PAAF1: variants seen among roughly 807,000 people sequenced by gnomAD.
PAAF1 encodes proteasomal ATPase associated factor 1, also known as proteasomal ATPase-associated factor 1.
PAAF1 carries 46 observed loss-of-function variants against 52.8 expected under a neutral mutation model. The ratio of observed to expected loss-of-function variants is 0.87; its 90% CI spans 0.69 to 1.11. The LOEUF is 1.11. PAAF1 is among the 50% of genes most tolerant of loss of function. PAAF1 has a pLI of 0.00. For missense variants in PAAF1, 424 were observed against 477.4 expected, an observed-to-expected ratio of 0.89 and a Z score of 1.04; for synonymous variants, 178 against 172.8, an observed-to-expected ratio of 1.03 and a Z score of -0.24.
intron 2 of PAAF1, among the ~76,000 whole-genome samples, chr11:73,886,424 CCAGCA>C (rs896940665): frequency 2.6e-5 from 4 of 151,978 alleles, no homozygotes; most frequent in Admixed American, 6.6e-5. Flanking sequence ...GCCTGTAATC[CCAGCA>C]CTGTGGGAGG....
intron 4 of PAAF1, among the ~76,000 whole-genome samples, chr11:73,897,270 G>T (rs895103082): frequency 6.7e-6 from 1 of 149,684 alleles, no homozygotes; most frequent in Admixed American, 6.6e-5. Flanking sequence ...GGGGCGGCTG[G>T]CCGTGTGGGG....
intron 9 of PAAF1, among the ~76,000 whole-genome samples, chr11:73,917,098 G>A (rs949633331): frequency 6.6e-6 from 1 of 152,106 alleles, no homozygotes; most frequent in African/African-American, 2.4e-5. Context: ...TCGGCTTACT[G>A]CAACCTTTGC....
rs1565149542 is a variant in PAAF1, at chr11:73,916,542, CAGGTGTTCCTCT to C, written c.820-2_829del. 1.9e-6 allele frequency: 3 copies of C among 1,604,116 alleles called. No individual in the cohort carries two copies. The highest frequency in any genetic ancestry group is 2.6e-6 in the Non-Finnish European group (3 of 1,173,372). On this transcript the variant is annotated splice_acceptor_variant and coding_sequence_variant, in exon 9 of 12. Coordinates refer to ENST00000310571, the MANE Select transcript of PAAF1 (RefSeq NM_025155.3). LOFTEE classifies it high-confidence loss of function. ...AGCATTTTTGCCTCCTACTTGTTCC[CAGGTGTTCCTCT>C]TTATTGGCTCAGACGCTTTCAACTG...
chr11:73,922,994 T>C (rs1220731419), intron 10 of PAAF1, among the ~76,000 whole-genome samples: 1 of 152,186 alleles, frequency 6.6e-6, no homozygotes, highest in Non-Finnish European at 1.5e-5. Context: ...GAACCTGTTA[T>C]ACCCATTATC....
At chr11:73,881,196 A>G (rs1250871924) in intron 2 of PAAF1, among the ~76,000 whole-genome samples, 2 of 152,186 alleles carry the variant, frequency 1.3e-5, no homozygotes, top group Admixed American at 6.5e-5. Context: ...ACTTAGGCTA[A>G]AAAAGCAATC....
chr11:73,926,286 A>C (rs1426594525), intron 11 of PAAF1, among the ~76,000 whole-genome samples: 2 of 152,064 alleles, frequency 1.3e-5, no homozygotes, highest in Non-Finnish European at 2.9e-5. Flanking sequence ...TTGTATTTTT[A>C]GTAGAGACGA....
chr11:73,899,016 G>T, intron 4 of PAAF1, 130 bp from the exon 5 acceptor site: 1 of 650,234 alleles, frequency 1.5e-6, no homozygotes. Context: ...TCAAACACAA[G>T]TCCTTTTGTT....
intron 7 of PAAF1, among the ~76,000 whole-genome samples, chr11:73,912,514 T>A (rs1949960435): frequency 6.6e-6 from 1 of 152,030 alleles, no homozygotes; most frequent in South Asian, 2.1e-4. Flanking sequence ...TATTTCTCCC[T>A]CTCCCTCCCC....
At position 73,889,604 on chromosome 11, in the gene PAAF1, T is replaced by A. The variant is rs564711994; in HGVS notation, c.193-1508T>A. Among the ~76,000 whole-genome samples the A allele has an allele frequency of 2.6e-5, 4 of 152,358 alleles. No homozygotes were observed. The South Asian group carries it at 8.3e-4, about 32-fold the overall frequency. On this transcript the variant is annotated intron_variant, in intron 3 of 11. Coordinates refer to ENST00000310571, the MANE Select transcript of PAAF1 (RefSeq NM_025155.3). ...CTGCAAAGTAGGAGAAAAGTACTGA[T>A]TATTGAAATCTGTCACATAGCTCCA...
At chr11:73,896,254 CT>C (rs71272248) in intron 4 of PAAF1, among the ~76,000 whole-genome samples, 11,177 of 121,654 alleles carry the variant, frequency 0.092, 532 homozygotes, top group East Asian at 0.21. Flanking sequence ...TATCTGAACT[CT>C]TTTTTTTTTT....
chr11:73,899,231 A>G lies in PAAF1; in HGVS notation c.368A>G (p.Asn123Ser), dbSNP rs944260290. ...DGTMKIWQAS[N>S]GELRRVLEGH... ...ACCATGAAAATCTGGCAGGCTTCCAATGGAGAACTCAGGGTAAAGGATTTG... is the reference window on the plus strand; with the variant it reads ...ACCATGAAAATCTGGCAGGCTTCCAGTGGAGAACTCAGGGTAAAGGATTTG... The change falls in exon 5 of 12, where the codon AAT (asparagine) becomes AGT (serine). Residue 123 changes from asparagine to serine, a missense_variant. Transcript: ENST00000310571. The G allele has an allele frequency of 6.2e-7, 1 of 1,613,848 alleles. No homozygotes were observed. The highest frequency in any genetic ancestry group is 2.2e-5 in the East Asian group (1 of 44,858).
chr11:73,892,325 CAAAAAAA>C (rs150332375), intron 4 of PAAF1, among the ~76,000 whole-genome samples: 4,400 of 81,800 alleles, frequency 0.054, 93 homozygotes, highest in Non-Finnish European at 0.08. Flanking sequence ...ACTGTCTCAC[CAAAAAAA>C]AAAAAAAAAA....
At chr11:73,891,417 G>C (rs1949199487) in intron 4 of PAAF1, among the ~76,000 whole-genome samples, 1 of 152,166 alleles carries the variant, frequency 6.6e-6, no homozygotes, top group African/African-American at 2.4e-5. Flanking sequence ...GGTCATCTTA[G>C]AGATTATATG....
intron 10 of PAAF1, chr11:73,921,813 A>T: frequency 8.7e-7 from 1 of 1,147,598 alleles, no homozygotes; most frequent in Admixed American, 1.7e-5. Context: ...TCATCACTTC[A>T]TCTTCCTGTT....
At chr11:73,888,048 G>A (rs758378368) in intron 3 of PAAF1, among the ~76,000 whole-genome samples, 6 of 151,994 alleles carry the variant, frequency 3.9e-5, no homozygotes, top group African/African-American at 1.2e-4. Flanking sequence ...ATGCCCAAGC[G>A]AAATTGATTT....
intron 11 of PAAF1, among the ~76,000 whole-genome samples, chr11:73,926,525 C>T (rs1236075644): frequency 1.3e-5 from 2 of 152,036 alleles, no homozygotes; most frequent in African/African-American, 2.4e-5. Context: ...CTGGCCAACA[C>T]GGTGAAACCC....
chr11:73,913,907 C>T (rs1949997687), intron 7 of PAAF1, among the ~76,000 whole-genome samples: 2 of 151,904 alleles, frequency 1.3e-5, no homozygotes, highest in Non-Finnish European at 2.9e-5. Flanking sequence ...GGCTTATTGC[C>T]AGCCATGGTG....
rs12799764 is a variant in PAAF1, at chr11:73,930,607, T to C, written c.*3245T>C. ...ACTAAAAATACAAAACTTAGCCAGGTGTGGTGGTGGGCACCTGTAATACCA... is the reference window on the plus strand; with the variant it reads ...ACTAAAAATACAAAACTTAGCCAGGCGTGGTGGTGGGCACCTGTAATACCA... On this transcript the variant is annotated 3_prime_UTR_variant, in exon 12 of 12. Coordinates refer to ENST00000310571, the MANE Select transcript of PAAF1 (RefSeq NM_025155.3). 0.067 allele frequency: 10,146 copies of C among 151,228 alleles called. 400 individuals are homozygous for C. The highest frequency in any genetic ancestry group is 0.1 in the Middle Eastern group (30 of 296). 9.4% of individuals were successfully genotyped at this position (151,228 alleles called of 1,614,324 possible).
chr11:73,911,879 C>T (rs1418024280), intron 7 of PAAF1, among the ~76,000 whole-genome samples: 4 of 152,040 alleles, frequency 2.6e-5, no homozygotes, highest in Non-Finnish European at 5.9e-5. Flanking sequence ...AGTGATCCAC[C>T]CTCCTAAGCC....
Sources: gnomAD v4.1 joint callset for allele counts (sites outside exome capture counted in the v4.1 genomes callset) on GRCh38, gnomAD v4.1.1 for gene constraint, MANE v1.5 for transcripts, NCBI Gene and HGNC (gene_info 2026-07-23, HGNC 2026-07-21) for gene names.